HSD17B12: variants seen among roughly 807,000 people sequenced by gnomAD.
HSD17B12 encodes hydroxysteroid 17-beta dehydrogenase 12.
HSD17B12 carries 32 observed loss-of-function variants against 39.3 expected under a neutral mutation model. That is an observed-to-expected ratio of 0.81 (90% CI 0.61 to 1.09). HSD17B12 has a LOEUF of 1.09. Ranked by LOEUF, HSD17B12 falls within the 50% of genes least tolerant of loss-of-function variation. HSD17B12 has a pLI of 0.00. For synonymous variants in HSD17B12, 150 were observed against 146.7 expected, an observed-to-expected ratio of 1.02 and a Z score of -0.16; for missense variants, 342 against 382.9, an observed-to-expected ratio of 0.89 and a Z score of 0.89.
At chr11:43,650,946 A>C in the HSD17B12 span, among the ~76,000 whole-genome samples, 1 of 152,216 alleles carries the variant, frequency 6.6e-6, no homozygotes, top group Non-Finnish European at 1.5e-5. Context: ...GTTGGATTGA[A>C]AAAACAGGAT....
At chr11:43,690,422 C>A (rs1195719448) in intron 1 of HSD17B12, among the ~76,000 whole-genome samples, 4 of 13,348 alleles carry the variant, frequency 3.0e-4, no homozygotes, top group East Asian at 2.2e-3. Flanking sequence ...TTTTTTTTTT[C>A]TGAGACAGGG....
In HSD17B12 at chr11:43,759,316, A is replaced by G. The variant is rs760556402; in HGVS notation, c.283+5195A>G. ...TCATCAGTGTCAAAATTTTTAAGAA[A>G]AATTTTGAATGGATTATATGTAGTT... On this transcript the variant is annotated intron_variant, in intron 3 of 10. Coordinates refer to ENST00000278353, the MANE Select transcript of HSD17B12 (RefSeq NM_016142.3). 6.6e-5 allele frequency among the ~76,000 whole-genome samples: 10 copies of G among 152,160 alleles called. No homozygotes were observed. In the South Asian group the frequency reaches 8.3e-4, roughly 13 times the overall value.
At chr11:43,597,748 C>T in the HSD17B12 span, among the ~76,000 whole-genome samples, 4 of 152,292 alleles carry the variant, frequency 2.6e-5, no homozygotes, top group Middle Eastern at 3.4e-3. Context: ...CAGGTTCCTG[C>T]CTCAGCCTCC....
At chr11:43,763,987 G>T (rs1565079424) in intron 3 of HSD17B12, among the ~76,000 whole-genome samples, 1 of 152,102 alleles carries the variant, frequency 6.6e-6, no homozygotes, top group Non-Finnish European at 1.5e-5. Context: ...GGCGTGAAGA[G>T]TTACTTAGTT....
upstream of HSD17B12, among the ~76,000 whole-genome samples, chr11:43,679,774 A>T (rs1949723446): frequency 6.6e-6 from 1 of 152,172 alleles, no homozygotes; most frequent in African/African-American, 2.4e-5. Flanking sequence ...AGACTCCATC[A>T]GGTTATTTGC....
chr11:43,653,348 G>C, the HSD17B12 span, among the ~76,000 whole-genome samples: 6 of 152,024 alleles, frequency 3.9e-5, no homozygotes, highest in Admixed American at 1.3e-4. Flanking sequence ...TAAAACTTTA[G>C]AAGAAAATAG....
intron 1 of HSD17B12, among the ~76,000 whole-genome samples, chr11:43,704,323 T>C (rs1949994025): frequency 6.6e-6 from 1 of 152,252 alleles, no homozygotes; most frequent in Non-Finnish European, 1.5e-5. Context: ...GGGTAGTTGA[T>C]GGATTAGCCT....
At chr11:43,604,505 A>G in the HSD17B12 span, among the ~76,000 whole-genome samples, 1 of 152,280 alleles carries the variant, frequency 6.6e-6, no homozygotes, top group African/African-American at 2.4e-5. Flanking sequence ...TTTATTTTTT[A>G]AGGGCCACAA....
the HSD17B12 span, among the ~76,000 whole-genome samples, chr11:43,603,405 G>A: frequency 6.6e-6 from 1 of 151,852 alleles, no homozygotes; most frequent in African/African-American, 2.4e-5. Flanking sequence ...TTTGTTTTTT[G>A]TGTATGGTTT....
chr11:43,614,747 A>G, the HSD17B12 span, among the ~76,000 whole-genome samples: 1 of 152,004 alleles, frequency 6.6e-6, no homozygotes, highest in African/African-American at 2.4e-5. Flanking sequence ...CTGCTGTTAA[A>G]TCCATTCAAT....
intron 3 of HSD17B12, among the ~76,000 whole-genome samples, chr11:43,772,036 ATC>A (rs935906913): frequency 7.8e-5 from 11 of 141,190 alleles, no homozygotes; most frequent in African/African-American, 2.3e-4. Context: ...ATATATATAT[ATC>A]TCTGTCTCTC....
intron 1 of HSD17B12, among the ~76,000 whole-genome samples, chr11:43,736,791 T>C (rs1181644899): frequency 6.6e-6 from 1 of 152,228 alleles, no homozygotes; most frequent in Non-Finnish European, 1.5e-5. Context: ...TTGTTAAATA[T>C]GAGCTGGCGT....
the HSD17B12 span, among the ~76,000 whole-genome samples, chr11:43,577,706 C>T: frequency 5.3e-5 from 8 of 151,984 alleles, no homozygotes; most frequent in African/African-American, 1.7e-4. Context: ...GCATGCTAGT[C>T]ATAGAAGCCC....
intron 2 of HSD17B12, among the ~76,000 whole-genome samples, 184 bp from the exon 3 acceptor site, chr11:43,753,862 T>C (rs1453316628): frequency 6.6e-6 from 1 of 152,222 alleles, no homozygotes; most frequent in Non-Finnish European, 1.5e-5. Context: ...TAGCTTGGCT[T>C]AGAAAGATAA....
At chr11:43,734,592 C>T (rs969579372) in intron 1 of HSD17B12, 6 of 369,526 alleles carry the variant, frequency 1.6e-5, no homozygotes, top group African/African-American at 1.2e-4. Context: ...TGCATCTTCA[C>T]GGGCCAACTG....
chr11:43,718,780 C>CA (rs1049395320), intron 1 of HSD17B12: 265 of 1,102,902 alleles, frequency 2.4e-4, no homozygotes, highest in Middle Eastern at 4.8e-4. Context: ...TTCACAGCCA[C>CA]AAAAAAAAGA....
the HSD17B12 span, among the ~76,000 whole-genome samples, chr11:43,565,659 C>G: frequency 2.6e-5 from 4 of 152,162 alleles, no homozygotes; most frequent in African/African-American, 9.7e-5. Context: ...ATTAGCTGTC[C>G]CAGCTGTCAG....
chr11:43,824,893 G>T (rs775184926), intron 6 of HSD17B12, among the ~76,000 whole-genome samples: 3 of 152,220 alleles, frequency 2.0e-5, no homozygotes, highest in Non-Finnish European at 2.9e-5. Context: ...CTACTCAGGA[G>T]GCTGAGGCAG....
chr11:43,618,422 C>CT, the HSD17B12 span, among the ~76,000 whole-genome samples: 1 of 152,104 alleles, frequency 6.6e-6, no homozygotes, highest in South Asian at 2.1e-4. Flanking sequence ...CAACTTACGC[C>CT]TTCTATAAAA....
Sources: gnomAD v4.1 joint callset for allele counts (sites outside exome capture counted in the v4.1 genomes callset) on GRCh38, gnomAD v4.1.1 for gene constraint, MANE v1.5 for transcripts, NCBI Gene and HGNC (gene_info 2026-07-23, HGNC 2026-07-21) for gene names.